Variants in TRIM33 observed in about 807,000 individuals in gnomAD.
The protein encoded by TRIM33 is tripartite motif containing 33.
Under a neutral mutation model 125.4 loss-of-function variants are expected in TRIM33, and 20 were observed. The observed-to-expected ratio is 0.16, with a 90% CI of 0.11 to 0.23. TRIM33 has a LOEUF of 0.23. Ranked by LOEUF, TRIM33 falls within the 10% of genes least tolerant of loss-of-function variation. TRIM33 has a pLI of 1.00. For synonymous variants in TRIM33, 564 were observed against 513.9 expected (o/e 1.10, Z -1.32); for missense variants, 920 against 1,411.4 (o/e 0.65, Z 5.58).
At chr1:114,488,985 A>G (rs1469892411) in intron 1 of TRIM33, among the ~76,000 whole-genome samples, 3 of 152,134 alleles carry the variant, frequency 2.0e-5, no homozygotes, top group Non-Finnish European at 4.4e-5. Flanking sequence ...AGGAGGTGGA[A>G]GCTGCAGTAA....
intron 4 of TRIM33, among the ~76,000 whole-genome samples, chr1:114,440,600 C>A (rs1648592954): frequency 6.6e-6 from 1 of 151,950 alleles, no homozygotes; most frequent in Admixed American, 6.5e-5. Flanking sequence ...TTTTTGCTAT[C>A]TAAAAATAAA....
chr1:114,466,102 C>T (rs1384557515), intron 1 of TRIM33, among the ~76,000 whole-genome samples: 3 of 151,250 alleles, frequency 2.0e-5, no homozygotes, highest in African/African-American at 4.9e-5. Context: ...AACAATTTTT[C>T]AAACCAAAGG....
chr1:114,418,340 G>C (rs188560892), intron 11 of TRIM33, among the ~76,000 whole-genome samples: 1 of 152,244 alleles, frequency 6.6e-6, no homozygotes, highest in African/African-American at 2.4e-5. Context: ...TGAGGACACA[G>C]AGCCAAACTG....
chr1:114,416,248 T>G (rs1441796780), intron 11 of TRIM33, among the ~76,000 whole-genome samples: 1 of 152,184 alleles, frequency 6.6e-6, no homozygotes, highest in East Asian at 1.9e-4. Context: ...CAGGAAAATA[T>G]TACATTTTAC....
intron 1 of TRIM33, among the ~76,000 whole-genome samples, chr1:114,506,117 C>A (rs1326106900): frequency 1.3e-5 from 2 of 152,044 alleles, no homozygotes; most frequent in African/African-American, 4.8e-5. Context: ...GGTGGTGCCT[C>A]ACGCCTATAA....
At chr1:114,411,125 C>T (rs1048112048) in intron 11 of TRIM33, among the ~76,000 whole-genome samples, 1 of 152,130 alleles carries the variant, frequency 6.6e-6, no homozygotes, top group African/African-American at 2.4e-5. Flanking sequence ...CTGCAACCTC[C>T]ACCTCCCAGG....
chr1:114,428,574 A>T (rs1210951309), intron 6 of TRIM33, among the ~76,000 whole-genome samples: 1 of 152,198 alleles, frequency 6.6e-6, no homozygotes, highest in East Asian at 1.9e-4. Context: ...CTCATCTACT[A>T]CTTTCTTAAG....
chr1:114,435,444 G>A (rs1189323084), intron 4 of TRIM33, among the ~76,000 whole-genome samples: 2 of 152,108 alleles, frequency 1.3e-5, no homozygotes, highest in African/African-American at 4.8e-5. Flanking sequence ...GTCTATATGG[G>A]CACTAAAATC....
At chr1:114,426,277 GCA>G (rs924309077) in intron 8 of TRIM33, among the ~76,000 whole-genome samples, 2 of 152,110 alleles carry the variant, frequency 1.3e-5, no homozygotes, top group African/African-American at 4.8e-5. Flanking sequence ...GTGATTTAAG[GCA>G]CAGGTTGACA....
At chr1:114,434,712 T>G (rs958181584) in intron 4 of TRIM33, among the ~76,000 whole-genome samples, 3 of 152,232 alleles carry the variant, frequency 2.0e-5, no homozygotes, top group African/African-American at 7.2e-5. Context: ...GAATCCATTA[T>G]TGTTTGTACT....
chr1:114,475,380 G>A (rs530885595), intron 1 of TRIM33, among the ~76,000 whole-genome samples: 1 of 152,276 alleles, frequency 6.6e-6, no homozygotes, highest in South Asian at 2.1e-4. Flanking sequence ...CTAAAAAACA[G>A]TAATAAAGGA....
intron 4 of TRIM33, among the ~76,000 whole-genome samples, chr1:114,447,721 A>C (rs1649075168): frequency 6.6e-6 from 1 of 152,244 alleles, no homozygotes; most frequent in Admixed American, 6.5e-5. Context: ...GTAATCAGTA[A>C]TTAGTAGGAA....
At chr1:114,450,503 T>C (rs777679599) in intron 4 of TRIM33, among the ~76,000 whole-genome samples, 4 of 152,114 alleles carry the variant, frequency 2.6e-5, no homozygotes, top group Non-Finnish European at 5.9e-5. Context: ...GGACTAACGT[T>C]CCTATTTTGA....
intron 4 of TRIM33, among the ~76,000 whole-genome samples, chr1:114,437,006 A>G (rs999493849): frequency 6.6e-6 from 1 of 152,250 alleles, no homozygotes; most frequent in Admixed American, 6.5e-5. Context: ...ATGTCAACAT[A>G]TACGCATTTG....
intron 18 of TRIM33, 70 bp from the exon 19 acceptor site, chr1:114,398,060 T>C (rs1372363972): frequency 6.5e-6 from 10 of 1,540,018 alleles, no homozygotes; most frequent in African/African-American, 5.5e-5. Flanking sequence ...TGAGACTGCA[T>C]AGGATTGGCG....
Position 114,393,579 on chromosome 1 carries a change from CAAT to C in TRIM33, c.*4066_*4068del, listed in dbSNP as rs1651394308. 1 of 206,680 alleles carries C rather than the reference CAAT, an allele frequency of 4.8e-6. No individual in the cohort carries two copies. Among genetic ancestry groups the C allele is most frequent in the Non-Finnish European group, 9.9e-6 (1 of 101,070 alleles). The allele number at this position is 206,680 out of a possible 1,614,324, so 12.8% of individuals were successfully genotyped here. Reference sequence around the variant, plus strand: ...TGAAGATAGTTTTGTTTCTTCGATACAATAAAAAATATATAAAGGACCACATAG... The same window carrying C: ...TGAAGATAGTTTTGTTTCTTCGATACAAAAAATATATAAAGGACCACATAG... On this transcript the variant is annotated 3_prime_UTR_variant, in exon 20 of 20. Coordinates refer to ENST00000358465, the MANE Select transcript of TRIM33 (RefSeq NM_015906.4).
chr1:114,473,056 A>C (rs1462806348), intron 1 of TRIM33, among the ~76,000 whole-genome samples: 1 of 151,898 alleles, frequency 6.6e-6, no homozygotes, highest in Non-Finnish European at 1.5e-5. Context: ...AGAGATAGAG[A>C]CCATCCTGGC....
intron 4 of TRIM33, among the ~76,000 whole-genome samples, chr1:114,457,654 A>C (rs1649705221): frequency 6.6e-6 from 1 of 152,184 alleles, no homozygotes; most frequent in Non-Finnish European, 1.5e-5. Flanking sequence ...CTGACTTTGA[A>C]ACTACCTGAG....
At chr1:114,430,938 G>A in intron 5 of TRIM33, 26 bp from the exon 6 acceptor site, 1 of 1,268,622 alleles carries the variant, frequency 7.9e-7, no homozygotes. Context: ...GCATCATTAG[G>A]TTATCAACTT....
Sources: gnomAD v4.1 joint callset for allele counts (sites outside exome capture counted in the v4.1 genomes callset) on GRCh38, gnomAD v4.1.1 for gene constraint, MANE v1.5 for transcripts, NCBI Gene and HGNC (gene_info 2026-07-23, HGNC 2026-07-21) for gene names.